Variants in MAP2 observed in about 807,000 individuals in gnomAD.
The protein encoded by MAP2 is microtubule associated protein 2, also known as microtubule-associated protein 2.
Under a neutral mutation model 137.6 loss-of-function variants are expected in MAP2, and 14 were observed. The observed-to-expected ratio is 0.10, with a 90% CI of 0.07 to 0.16. The LOEUF (loss-of-function observed/expected upper bound fraction) is 0.16. MAP2 is among the 10% of genes least tolerant of loss of function. The pLI, the probability that MAP2 is intolerant of heterozygous loss-of-function variation, is 1.00. For missense variants in MAP2, 2,088 were observed against 2,191.5 expected (o/e 0.95, Z 0.94); for synonymous variants, 786 against 782.3 (o/e 1.00, Z -0.08).
chr2:209,542,276 G>T (rs1251691100), intron 2 of MAP2, among the ~76,000 whole-genome samples: 1 of 152,184 alleles, frequency 6.6e-6, no homozygotes, highest in East Asian at 1.9e-4. Flanking sequence ...AAAATATTGA[G>T]TAAACAATCC....
intron 1 of MAP2, among the ~76,000 whole-genome samples, chr2:209,443,466 T>C (rs968160004): frequency 2.0e-5 from 3 of 151,812 alleles, no homozygotes; most frequent in Middle Eastern, 3.4e-3. Flanking sequence ...AATTGGTGCT[T>C]GTCTACTGCA....
intron 1 of MAP2, among the ~76,000 whole-genome samples, chr2:209,496,085 C>T (rs769460972): frequency 5.3e-5 from 8 of 152,184 alleles, no homozygotes; most frequent in Admixed American, 4.6e-4. Flanking sequence ...TTATCTCATG[C>T]CTCGCTTCCT....
intron 13 of MAP2, among the ~76,000 whole-genome samples, chr2:209,716,262 C>G (rs189036545): frequency 4.6e-5 from 7 of 152,272 alleles, no homozygotes; most frequent in Admixed American, 4.6e-4. Context: ...TCCATAATGT[C>G]CCATACATAG....
Position 209,695,068 on chromosome 2 carries a change from G to T in MAP2, c.2898G>T (p.Lys966Asn), listed in dbSNP as rs773209563. ...ANDRLDTVLE[K>N]SEEHADSKEH... ...ATAGGTTGGATACTGTACTAGAAAA[G>T]AGTGAAGAACATGCTGATTCAAAAG... Residue 966 changes from lysine to asparagine, a missense_variant, in exon 8 of 16, where the codon AAG (lysine) becomes AAT (asparagine). Transcript: ENST00000682079. The T allele has an allele frequency of 1.2e-6, 2 of 1,614,146 alleles. No individual in the cohort carries two copies. Among genetic ancestry groups the T allele is most frequent in the Non-Finnish European group, 1.7e-6 (2 of 1,180,020 alleles).
chr2:209,643,691 A>C (rs942310808), intron 4 of MAP2, among the ~76,000 whole-genome samples: 1 of 138,840 alleles, frequency 7.2e-6, no homozygotes, highest in Non-Finnish European at 1.5e-5. Flanking sequence ...AATGTGAAGT[A>C]GATTTTTTTT....
intron 5 of MAP2, among the ~76,000 whole-genome samples, chr2:209,658,057 A>T (rs1410923886): frequency 6.6e-6 from 1 of 152,210 alleles, no homozygotes; most frequent in African/African-American, 2.4e-5. Flanking sequence ...TTCAGCTCTG[A>T]AGATAACTGG....
intron 2 of MAP2, among the ~76,000 whole-genome samples, chr2:209,579,139 G>C (rs1357512185): frequency 1.3e-5 from 2 of 152,082 alleles, no homozygotes; most frequent in African/African-American, 4.8e-5. Context: ...ACAAATCTCT[G>C]ATGTCCTTAA....
rs558487530 is a variant in MAP2, at chr2:209,541,094, G to A, written c.-172+33453G>A. On this transcript the variant is annotated intron_variant, in intron 2 of 15. Coordinates refer to ENST00000682079, the MANE Select transcript of MAP2 (RefSeq NM_001375505.1). ...CACCCAGGCTGGAGTGCGATGGCAC[G>A]ATCTCGGCTCACTGCAACTTCCGCC... 4.9e-4 allele frequency among the ~76,000 whole-genome samples: 74 copies of A among 151,178 alleles called. 3 individuals are homozygous for A. The highest frequency in any genetic ancestry group is 1.5e-3 in the African/African-American group (62 of 40,490).
chr2:209,696,887 G>A, intron 9 of MAP2, 30 bp from the exon 10 acceptor site: 1 of 1,580,118 alleles, frequency 6.3e-7, no homozygotes, highest in Non-Finnish European at 8.6e-7. Flanking sequence ...TTTTCCTGAT[G>A]GTATGCTTTT....
chr2:209,667,671 T>C (rs1431463170), intron 5 of MAP2, among the ~76,000 whole-genome samples: 1 of 151,968 alleles, frequency 6.6e-6, no homozygotes, highest in Non-Finnish European at 1.5e-5. Flanking sequence ...TTCCTGAAAA[T>C]TTCAGGGCCT....
chr2:209,531,639 T>C (rs1458018928), intron 2 of MAP2, among the ~76,000 whole-genome samples: 1 of 152,236 alleles, frequency 6.6e-6, no homozygotes, highest in African/African-American at 2.4e-5. Context: ...TACTTTACAA[T>C]AGTTTTAGAA....
chr2:209,695,355 T>C lies in MAP2; in HGVS notation c.3185T>C (p.Ile1062Thr), dbSNP rs759644376. The C allele has an allele frequency of 2.7e-5, 43 of 1,613,722 alleles. No homozygotes were observed. Among genetic ancestry groups the C allele is most frequent in the Non-Finnish European group, 3.6e-5 (42 of 1,179,916 alleles). Residue 1062 changes from isoleucine (I) to threonine (T), a missense_variant, in exon 8 of 16, where the codon ATA (isoleucine) becomes ACA (threonine). This residue lies in a region of MAP2 where 500 missense variants were observed against 482.9 expected (regional missense o/e 1.04). Transcript: ENST00000682079. ...GGACAGATGGCTTCAGGGCTAAACATAGATGATAGAAGGGCAACAGAGCTA... is the reference window on the plus strand; with the variant it reads ...GGACAGATGGCTTCAGGGCTAAACACAGATGATAGAAGGGCAACAGAGCTA... ...DFGQMASGLN[I>T]DDRRATELKL...
At chr2:209,578,447 G>A (rs80286842) in intron 2 of MAP2, among the ~76,000 whole-genome samples, 1,619 of 149,964 alleles carry the variant, frequency 0.011, 30 homozygotes, top group African/African-American at 0.037. Flanking sequence ...CATATCATCT[G>A]TCTCTCAATT....
intron 4 of MAP2, among the ~76,000 whole-genome samples, chr2:209,631,572 C>CAA (rs79835063): frequency 7.9e-6 from 1 of 127,284 alleles, no homozygotes. Context: ...CTGTTGTTGG[C>CAA]AAAAAAAAAA....
At position 209,693,213 on chromosome 2, in the gene MAP2, A is replaced by G; in HGVS notation, c.1043A>G (p.Asp348Gly). 6.2e-7 allele frequency: 1 copy of G among 1,613,050 alleles called. No individual in the cohort carries two copies. Among genetic ancestry groups the G allele is most frequent in the Non-Finnish European group, 8.5e-7 (1 of 1,179,778 alleles). ...SPFAPAFLQP[D>G]DKKSLQQTSG... Reference sequence around the variant, plus strand: ...TTTGCCCCTGCCTTTTTACAGCCAGATGACAAAAAATCTCTGCAACAAACC... The same window carrying G: ...TTTGCCCCTGCCTTTTTACAGCCAGGTGACAAAAAATCTCTGCAACAAACC... The change falls in exon 8 of 16, where the codon GAT becomes GGT. Residue 348 changes from aspartate (D) to glycine (G), a missense_variant. Transcript: ENST00000682079.
chr2:209,476,952 C>T (rs866829990), intron 1 of MAP2, among the ~76,000 whole-genome samples: 30 of 152,300 alleles, frequency 2.0e-4, no homozygotes, highest in Middle Eastern at 3.4e-3. Flanking sequence ...TCAAAACCTT[C>T]ATCACAAAGA....
chr2:209,575,566 G>A (rs1001094849), intron 2 of MAP2, among the ~76,000 whole-genome samples: 3 of 147,706 alleles, frequency 2.0e-5, no homozygotes, highest in Non-Finnish European at 3.0e-5. Flanking sequence ...GTGGCAAGGA[G>A]TCGCTTACAA....
At chr2:209,544,876 T>C (rs2067739941) in intron 2 of MAP2, among the ~76,000 whole-genome samples, 1 of 152,240 alleles carries the variant, frequency 6.6e-6, no homozygotes, top group African/African-American at 2.4e-5. Context: ...AAGTACTTGA[T>C]TACTCTGGGC....
At chr2:209,461,202 A>G (rs1445536729) in intron 1 of MAP2, among the ~76,000 whole-genome samples, 2 of 152,216 alleles carry the variant, frequency 1.3e-5, no homozygotes, top group Admixed American at 1.3e-4. Flanking sequence ...AAAATAAAGC[A>G]TTTGTTTAAA....
Sources: allele counts gnomAD v4.1 joint callset (sites outside exome capture counted in the v4.1 genomes callset), GRCh38; gene constraint gnomAD v4.1.1; regional missense constraint gnomAD v4.1.1; transcripts MANE v1.5; gene names NCBI Gene and HGNC (gene_info 2026-07-23, HGNC 2026-07-21).